ARNT: variants seen among roughly 807,000 people sequenced by gnomAD.
The protein encoded by ARNT is class E basic helix-loop-helix protein 2.
Under a neutral mutation model 105.0 loss-of-function variants are expected in ARNT, and 30 were observed. The ratio of observed to expected loss-of-function variants is 0.29; its 90% CI spans 0.21 to 0.39. The LOEUF (loss-of-function observed/expected upper bound fraction) is 0.39. Among genes scored for constraint, ARNT ranks in the 10% least tolerant of loss-of-function variants. The pLI, the probability that ARNT is intolerant of heterozygous loss-of-function variation, is 1.00. For missense variants in ARNT, 748 were observed against 978.7 expected, an observed-to-expected ratio of 0.76 and a Z score of 3.15; for synonymous variants, 304 against 344.0, an observed-to-expected ratio of 0.88 and a Z score of 1.29.
chr1:150,813,457 T>C, intron 20 of ARNT, 119 bp from the exon 21 acceptor site: 1 of 1,035,566 alleles, frequency 9.7e-7, no homozygotes, highest in Non-Finnish European at 1.3e-6. Flanking sequence ...ACTCTGTCCT[T>C]CTCTCTGCCA....
intron 6 of ARNT, among the ~76,000 whole-genome samples, chr1:150,838,514 T>C (rs1032751662): frequency 1.3e-5 from 2 of 152,238 alleles, no homozygotes; most frequent in African/African-American, 4.8e-5. Flanking sequence ...TTTCAATGTA[T>C]ATAGCTACAA....
chr1:150,865,487 G>A (rs1666414085), intron 1 of ARNT, among the ~76,000 whole-genome samples: 1 of 152,178 alleles, frequency 6.6e-6, no homozygotes, highest in African/African-American at 2.4e-5. Flanking sequence ...GTAACTCTGG[G>A]TATGCAGGGT....
intron 19 of ARNT, among the ~76,000 whole-genome samples, chr1:150,815,886 T>C (rs1024059000): frequency 2.0e-5 from 3 of 151,892 alleles, no homozygotes; most frequent in South Asian, 2.1e-4. Flanking sequence ...AAAAAGAATT[T>C]TTCAACTTTT....
rs80289444 is a variant in ARNT at position 150,820,312 on chromosome 1, T to C, written c.1395-2282A>G. On this transcript the variant is annotated intron_variant, in intron 14 of 21. Transcript: ENST00000358595. Reference sequence around the variant, plus strand: ...GTCCTTTCCAGAAAGAGTTGATACATAGAATTGAAACTAAACCCTTCCATC... The same window carrying C: ...GTCCTTTCCAGAAAGAGTTGATACACAGAATTGAAACTAAACCCTTCCATC... Among the ~76,000 whole-genome samples, 1,170 of 152,292 alleles carry C rather than the reference T, an allele frequency of 7.7e-3. 6 individuals carry two copies. The highest frequency in any genetic ancestry group is 0.011 in the Non-Finnish European group (716 of 68,008).
chr1:150,850,335 G>A lies in ARNT; in HGVS notation c.182+2427C>T, dbSNP rs892548613. Among the ~76,000 whole-genome samples the A allele has an allele frequency of 3.1e-4, 47 of 152,152 alleles. 2 individuals are homozygous for A. The highest frequency in any genetic ancestry group is 2.1e-4 in the South Asian group (1 of 4,832). On this transcript the variant is annotated intron_variant, in intron 3 of 21. Transcript: ENST00000358595. Reference sequence around the variant, plus strand: ...CACGGTCTCCCTCTGATGCCGAGCCGAAGCTGGACTGTACTGCTGCCATCT... The same window carrying A: ...CACGGTCTCCCTCTGATGCCGAGCCAAAGCTGGACTGTACTGCTGCCATCT...
At chr1:150,855,186 A>C (rs1664366259) in intron 2 of ARNT, among the ~76,000 whole-genome samples, 2 of 152,224 alleles carry the variant, frequency 1.3e-5, no homozygotes, top group South Asian at 4.1e-4. Flanking sequence ...CATCATATGT[A>C]ACAGCAAAAT....
intron 1 of ARNT, among the ~76,000 whole-genome samples, chr1:150,866,217 A>G (rs1666563454): frequency 6.6e-6 from 1 of 152,156 alleles, no homozygotes; most frequent in Non-Finnish European, 1.5e-5. Flanking sequence ...TCCTGACCTC[A>G]GGTGATCCAC....
rs948601239 is a variant in ARNT at position 150,839,619 on chromosome 1, T to C, written c.308A>G (p.Asn103Ser). 10 of 1,614,134 alleles carry C rather than the reference T, an allele frequency of 6.2e-6. No individual in the cohort carries two copies. Among genetic ancestry groups the C allele is most frequent in the Non-Finnish European group, 8.5e-6 (10 of 1,180,018 alleles). The change falls in exon 6 of 22, where the codon AAC becomes AGC. Residue 103 changes from asparagine to serine, a missense_variant. Around this residue, in one of 4 missense-constraint regions of ARNT, gnomAD observed 291 missense variants for 444.6 expected, o/e 0.65. Coordinates refer to ENST00000358595, the MANE Select transcript of ARNT (RefSeq NM_001668.4). ...TTCTGTGATGTAGGCTGTCATCTTGTTCCGTCGCCGCCGTTCAATTTCACT... is the reference window on the plus strand; with the variant it reads ...TTCTGTGATGTAGGCTGTCATCTTGCTCCGTCGCCGCCGTTCAATTTCACT... Reference protein sequence around the residue: ...NHSEIERRRRNKMTAYITELS... With the variant: ...NHSEIERRRRSKMTAYITELS...
intron 1 of ARNT, among the ~76,000 whole-genome samples, chr1:150,875,281 A>G (rs1398895955): frequency 6.6e-6 from 1 of 152,200 alleles, no homozygotes; most frequent in Admixed American, 6.5e-5. Flanking sequence ...AAAAGATTAA[A>G]AAAAAATGAC....
At chr1:150,822,394 C>G (rs1378611514) in intron 14 of ARNT, among the ~76,000 whole-genome samples, 1 of 152,114 alleles carries the variant, frequency 6.6e-6, no homozygotes, top group Non-Finnish European at 1.5e-5. Context: ...AACCCTCAAC[C>G]TCATGGAGGG....
intron 1 of ARNT, among the ~76,000 whole-genome samples, chr1:150,863,828 T>G (rs1004991081): frequency 6.7e-6 from 1 of 150,054 alleles, no homozygotes; most frequent in African/African-American, 2.5e-5. Context: ...AAAAAAAAAG[T>G]AAAGAAGAAG....
rs375672804 is a variant in ARNT at position 150,816,908 on chromosome 1, T to G, written c.1700-18A>C. On this transcript the variant is annotated intron_variant, in intron 17 of 21. Transcript: ENST00000358595. ...ACTCTGATCTGTGGACCAAAAGGAG[T>G]TGGGGAAGGGCCAGTCAAGGGGCTG... 2.5e-6 allele frequency: 4 copies of G among 1,605,574 alleles called. No homozygotes were observed. The highest frequency in any genetic ancestry group is 3.4e-6 in the Non-Finnish European group (4 of 1,177,818).
intron 3 of ARNT, among the ~76,000 whole-genome samples, chr1:150,849,902 T>C (rs188237270): frequency 1.3e-5 from 2 of 151,986 alleles, no homozygotes; most frequent in African/African-American, 4.8e-5. Flanking sequence ...CCGTCTCTAC[T>C]AAAAATACAA....
At position 150,814,213 on chromosome 1, in the gene ARNT, C is replaced by T. The variant is rs1655349463; in HGVS notation, c.1977G>A (p.Lys659=). 3 of 1,614,004 alleles carry T rather than the reference C, an allele frequency of 1.9e-6. No individual in the cohort carries two copies. The highest frequency in any genetic ancestry group is 2.5e-6 in the Non-Finnish European group (3 of 1,180,016). ...CCACACCAAACTGGGAAGTACGAGT[C>T]TTAGCAGTAGCCTGGGTAGCCACCT... ...AQQVATQATA[K]TRTSQFGVGS... Residue 659 remains lysine (K), a synonymous_variant, in exon 20 of 22, where the codon AAG becomes AAA. Coordinates refer to ENST00000358595, the MANE Select transcript of ARNT (RefSeq NM_001668.4).
chr1:150,814,329 C>G (rs1465827648), intron 19 of ARNT, 90 bp from the exon 20 acceptor site: 14 of 1,265,400 alleles, frequency 1.1e-5, no homozygotes, highest in Non-Finnish European at 1.4e-5. Context: ...CTGTCAATCA[C>G]TGCATCCTTC....
intron 4 of ARNT, among the ~76,000 whole-genome samples, chr1:150,843,369 A>G (rs1189953064): frequency 6.6e-6 from 1 of 152,234 alleles, no homozygotes; most frequent in African/African-American, 2.4e-5. Flanking sequence ...ATTTATATAG[A>G]TAAAGAGGCC....
intron 3 of ARNT, among the ~76,000 whole-genome samples, chr1:150,848,634 C>T (rs1031856064): frequency 5.9e-5 from 9 of 152,188 alleles, no homozygotes; most frequent in African/African-American, 2.2e-4. Flanking sequence ...ACTCAAACCA[C>T]CCTCCCACCT....
intron 8 of ARNT, among the ~76,000 whole-genome samples, chr1:150,834,077 G>A (rs1032130764): frequency 3.9e-5 from 6 of 151,944 alleles, no homozygotes; most frequent in Non-Finnish European, 8.8e-5. Flanking sequence ...GGGATTATGG[G>A]CGCACGCCAC....
chr1:150,817,569 A>T, intron 15 of ARNT, 136 bp from the exon 16 acceptor site: 2 of 779,502 alleles, frequency 2.6e-6, no homozygotes, highest in Non-Finnish European at 4.0e-6. Flanking sequence ...ACACTTTGGG[A>T]GGCCGAAGCA....
Sources: gnomAD v4.1 joint callset for allele counts (sites outside exome capture counted in the v4.1 genomes callset) on GRCh38, gnomAD v4.1.1 for gene constraint, gnomAD v4.1.1 regional missense constraint, MANE v1.5 for transcripts, NCBI Gene and HGNC (gene_info 2026-07-23, HGNC 2026-07-21) for gene names.